Variants in CROCC2 observed in about 807,000 individuals in gnomAD.
CROCC2 encodes the protein ciliary rootlet coiled-coil protein 2.
In CROCC2, 163 loss-of-function variants were observed where a neutral mutation model predicts 177.6. That is an observed-to-expected ratio of 0.92 (90% CI 0.81 to 1.05). The LOEUF (loss-of-function observed/expected upper bound fraction) is 1.05. Ranked by LOEUF, CROCC2 falls within the 50% of genes least tolerant of loss-of-function variation. CROCC2 has a pLI of 0.00. For missense variants in CROCC2, 1,929 were observed against 1,797.8 expected, an observed-to-expected ratio of 1.07 and a Z score of -1.32; for synonymous variants, 904 against 787.3, an observed-to-expected ratio of 1.15 and a Z score of -2.48.
At chr2:240,909,817 G>A (rs2059276101) in intron 1 of CROCC2, among the ~76,000 whole-genome samples, 3 of 152,148 alleles carry the variant, frequency 2.0e-5, no homozygotes, top group Non-Finnish European at 1.5e-5. Flanking sequence ...CAGGGAGCAG[G>A]CGGGTGCCAG....
intron 1 of CROCC2, among the ~76,000 whole-genome samples, chr2:240,916,236 C>T (rs890605572): frequency 2.0e-5 from 3 of 152,042 alleles, no homozygotes; most frequent in African/African-American, 2.4e-5. Flanking sequence ...CCCTTCCTTC[C>T]CCTCCTCTCC....
chr2:240,965,510 C>T lies in CROCC2; in HGVS notation c.3595C>T (p.Arg1199Trp), dbSNP rs766416180. Reference protein sequence around the residue: ...AKAEAKHEGARKEVLGLQRKL... With the variant: ...AKAEAKHEGAWKEVLGLQRKL... ...GGCAGAGGCCAAGCACGAGGGTGCC[C>T]GGAAGGAGGTGGGAGGGCTGCCTGT... The change falls in exon 23 of 32, where the codon CGG (arginine) becomes TGG (tryptophan). Residue 1199 changes from arginine to tryptophan, a missense_variant. Coordinates refer to ENST00000690015, the MANE Select transcript of CROCC2 (RefSeq NM_001351305.2). 84 of 1,550,086 alleles carry T rather than the reference C, an allele frequency of 5.4e-5. No homozygotes were observed. The South Asian group carries it at 8.6e-4, about 16-fold the overall frequency.
chr2:240,968,284 G>C, intron 27 of CROCC2, 22 bp downstream of exon 27: 1 of 1,515,828 alleles, frequency 6.6e-7, no homozygotes, highest in Non-Finnish European at 8.8e-7. Context: ...GGCAGGGTGG[G>C]TCCCAGGTGG....
At chr2:240,962,567 C>T (rs769558029) in intron 20 of CROCC2, among the ~76,000 whole-genome samples, 22 of 152,146 alleles carry the variant, frequency 1.4e-4, no homozygotes, top group African/African-American at 5.1e-4. Context: ...GGAGCCAGGC[C>T]GGTCGGGGGC....
intron 7 of CROCC2, among the ~76,000 whole-genome samples, chr2:240,931,471 A>T (rs970032878): frequency 1.3e-5 from 2 of 152,194 alleles, no homozygotes; most frequent in Non-Finnish European, 2.9e-5. Flanking sequence ...CACCTTAGGT[A>T]AATCATATAA....
Position 240,933,719 on chromosome 2 carries a change from G to A in CROCC2, c.1513G>A (p.Asp505Asn). The A allele has an allele frequency of 6.5e-7, 1 of 1,550,330 alleles. No individual in the cohort carries two copies. The highest frequency in any genetic ancestry group is 8.7e-7 in the Non-Finnish European group (1 of 1,146,858). Residue 505 changes from aspartate (D) to asparagine (N), a missense_variant, in exon 11 of 32, where the codon GAT (aspartate) becomes AAT (asparagine). Asp to Asn is a conservative substitution (Grantham distance 23). Around this residue, in one of 3 missense-constraint regions of CROCC2, gnomAD observed 1,397 missense variants for 1,239.9 expected, o/e 1.13. Coordinates refer to ENST00000690015, the MANE Select transcript of CROCC2 (RefSeq NM_001351305.2). Reference protein sequence around the residue: ...MVVEELKGKADAADAEKQGLE... With the variant: ...MVVEELKGKANAADAEKQGLE... ...GGTGGAGGAGCTGAAAGGGAAGGCA[G>A]ATGCTGCAGATGCGGAGAAGCAGGG...
chr2:240,914,262 C>G (rs888593839), intron 1 of CROCC2, among the ~76,000 whole-genome samples: 2 of 152,222 alleles, frequency 1.3e-5, no homozygotes, highest in East Asian at 3.9e-4. Flanking sequence ...AGCAGGTGCT[C>G]TTGAGCAAGT....
intron 14 of CROCC2, among the ~76,000 whole-genome samples, chr2:240,945,793 G>A (rs1023078537): frequency 6.6e-6 from 1 of 151,832 alleles, no homozygotes; most frequent in Non-Finnish European, 1.5e-5. Flanking sequence ...CCAACAAATG[G>A]TACCATTTAG....
chr2:240,959,270 G>C, intron 19 of CROCC2, 31 bp from the exon 20 acceptor site: 1 of 1,547,280 alleles, frequency 6.5e-7, no homozygotes, highest in Non-Finnish European at 8.7e-7. Flanking sequence ...CCAGCTCCCT[G>C]GTGCCACCGT....
rs1163380194 is a variant in CROCC2 at position 240,949,039 on chromosome 2, G to A, written c.2424G>A (p.Leu808=). The change falls in exon 16 of 32, where the codon CTG becomes CTA. Residue 808 remains leucine, a synonymous_variant. Transcript: ENST00000690015. The surrounding 1 kb of genome is among the most constrained non-coding windows in gnomAD (Gnocchi z 4.5). ...LLEAQQLATK[L]QEQLEEEARS... is the part of the protein sequence containing the mutation. ...AGGCCCAACAGCTGGCCACAAAGCT[G>A]CAGGAGCAGCTGGAGGAGGAAGCCC... The A allele has an allele frequency of 1.3e-6, 2 of 1,549,742 alleles. No individual in the cohort carries two copies. Among genetic ancestry groups the A allele is most frequent in the Admixed American group, 2.0e-5 (1 of 50,966 alleles).
At chr2:240,914,520 C>T (rs2059306839) in intron 1 of CROCC2, among the ~76,000 whole-genome samples, 1 of 152,230 alleles carries the variant, frequency 6.6e-6, no homozygotes, top group Non-Finnish European at 1.5e-5. Context: ...CCTGGCAGCC[C>T]CCTGCAGCGC....
Position 240,933,328 on chromosome 2 carries a change from C to A in CROCC2, c.1449C>A (p.Cys483Ter). 1 of 1,526,988 alleles carries A rather than the reference C, an allele frequency of 6.5e-7. No individual in the cohort carries two copies. The highest frequency in any genetic ancestry group is 1.2e-5 in the South Asian group (1 of 81,244). The allele number at this position is 1,526,988 out of a possible 1,614,324, so 94.6% of individuals were successfully genotyped here. A position where few individuals can be genotyped will look rare whatever the true frequency, so the allele number is the denominator to read the frequency against. The change falls in exon 10 of 32, where the codon TGC becomes TGA. Residue 483 changes from cysteine to a stop codon, truncating the protein, a stop_gained. Coordinates refer to ENST00000690015, the MANE Select transcript of CROCC2 (RefSeq NM_001351305.2). LOFTEE classifies it high-confidence loss of function. ...AGGTGCAGCAGTGCCGGGCATCCTGCAAGCTCCTGGGGAGGTAATGGGGTG... is the reference window on the plus strand; with the variant it reads ...AGGTGCAGCAGTGCCGGGCATCCTGAAAGCTCCTGGGGAGGTAATGGGGTG... ...RLEVQQCRAS[C>*]KLLGREKAAL... is the part of the protein sequence containing the mutation.
At chr2:240,962,010 CCACA>C (rs869266774) in intron 20 of CROCC2, among the ~76,000 whole-genome samples, 11,458 of 43,402 alleles carry the variant, frequency 0.26, 1,456 homozygotes, top group African/African-American at 0.44. Flanking sequence ...CACTCATCAC[CCACA>C]CACACACACA....
At chr2:240,925,092 A>G (rs1395238899) in intron 4 of CROCC2, among the ~76,000 whole-genome samples, 1 of 151,774 alleles carries the variant, frequency 6.6e-6, no homozygotes, top group Non-Finnish European at 1.5e-5. Context: ...TAAGTTGTCT[A>G]TAGAATATCG....
chr2:240,937,383 A>G (rs2059477222), intron 14 of CROCC2, among the ~76,000 whole-genome samples: 1 of 152,128 alleles, frequency 6.6e-6, no homozygotes, highest in Non-Finnish European at 1.5e-5. Context: ...CATTTTGGTT[A>G]TGAATATACA....
chr2:240,950,188 C>T (rs940441715), intron 17 of CROCC2, 146 bp from the exon 18 acceptor site: 25 of 715,020 alleles, frequency 3.5e-5, no homozygotes, highest in South Asian at 5.9e-5. Flanking sequence ...GAGGGGAAGA[C>T]GTGGGGGGTG....
At chr2:240,928,710 C>T (rs1046864817) in intron 5 of CROCC2, among the ~76,000 whole-genome samples, 6 of 152,174 alleles carry the variant, frequency 3.9e-5, no homozygotes, top group African/African-American at 1.2e-4. Context: ...ACAGCAGGCA[C>T]GGGGTGGCAT....
intron 25 of CROCC2, 147 bp from the exon 26 acceptor site, chr2:240,967,198 C>G (rs1326039327): frequency 2.5e-6 from 1 of 397,280 alleles, no homozygotes; most frequent in Non-Finnish European, 4.4e-6. Context: ...TTCCCCGAGC[C>G]CACGGCCCAC....
intron 30 of CROCC2, among the ~76,000 whole-genome samples, chr2:240,990,561 T>A (rs1182253477): frequency 6.6e-6 from 1 of 152,080 alleles, no homozygotes; most frequent in Non-Finnish European, 1.5e-5. Context: ...TATTTCCTTA[T>A]CATTCTGAGT....
Sources: gnomAD v4.1 joint callset for allele counts (sites outside exome capture counted in the v4.1 genomes callset) on GRCh38, gnomAD v4.1.1 for gene constraint, gnomAD v4.1.1 regional missense constraint, Gnocchi (gnomAD v3.1) non-coding constraint, MANE v1.5 for transcripts, NCBI Gene and HGNC (gene_info 2026-07-23, HGNC 2026-07-21) for gene names.